Variants in TTN observed in about 807,000 individuals in gnomAD.
TTN encodes connectin.
TTN carries 1,525 observed loss-of-function variants against 3,223.0 expected under a neutral mutation model. The observed-to-expected ratio is 0.47, with a 90% CI of 0.45 to 0.49. TTN has a LOEUF of 0.49. Ranked by LOEUF, TTN falls within the 20% of genes least tolerant of loss-of-function variation. The probability of loss-of-function intolerance (pLI) is 0.00; values close to 1 mark genes in which losing one functional copy is unlikely to be tolerated. For synonymous variants in TTN, 14,094 were observed against 15,161.0 expected (o/e 0.93, Z 5.17); for missense variants, 40,786 against 43,424.0 (o/e 0.94, Z 5.40).
Position 178,774,126 on chromosome 2 carries a change from A to G in TTN, c.7058-16T>C, listed in dbSNP as rs781778472. Reference sequence around the variant, plus strand: ...ATGGGGCGGGCTGTGAAATATGGGGAGAAAAAGAATGTTATGATCATTTTT... The same window carrying G: ...ATGGGGCGGGCTGTGAAATATGGGGGGAAAAAGAATGTTATGATCATTTTT... On this transcript the variant is annotated splice_polypyrimidine_tract_variant and intron_variant, in intron 30 of 362. Transcript: ENST00000589042. 2 of 1,614,110 alleles carry G rather than the reference A, an allele frequency of 1.2e-6. No individual in the cohort carries two copies. The highest frequency in any genetic ancestry group is 4.5e-5 in the East Asian group (2 of 44,868).
Position 178,750,927 on chromosome 2 carries a change from C to A in TTN, c.11311+2197G>T, listed in dbSNP as rs138440219. On this transcript the variant is annotated intron_variant, in intron 47 of 362. Transcript: ENST00000589042. Reference sequence around the variant, plus strand: ...GTATTTTCATTTACTAGAATTTCACCATATAAATGGTCTTTTGGTAGACTT... The same window carrying A: ...GTATTTTCATTTACTAGAATTTCACAATATAAATGGTCTTTTGGTAGACTT... The A allele has an allele frequency of 1.6e-4, 266 of 1,612,866 alleles. No individual in the cohort carries two copies. The East Asian group carries it at 5.3e-3, about 32-fold the overall frequency.
At chr2:178,805,666 T>A (rs1459105423) in intron 1 of TTN, among the ~76,000 whole-genome samples, 1 of 152,172 alleles carries the variant, frequency 6.6e-6, no homozygotes, top group Non-Finnish European at 1.5e-5. Context: ...ACTGCTGAAG[T>A]AAATATTCAG....
Position 178,530,427 on chromosome 2 carries a change from A to G in TTN, c.106188T>C (p.Asp35396=), listed in dbSNP as rs770681247. ...VSKISETKKS[D]QKTTESTVTR... ...TTACTGTTGACTCAGTGGTTTTCTG[A>G]TCTGATTTCTTAGTTTCTGATATTT... The change falls in exon 358 of 363, where the codon GAT becomes GAC. Residue 35396 remains aspartate, a synonymous_variant. Coordinates refer to ENST00000589042, the MANE Select transcript of TTN (RefSeq NM_001267550.2). 1.2e-6 allele frequency: 2 copies of G among 1,613,910 alleles called. No homozygotes were observed. The highest frequency in any genetic ancestry group is 1.7e-5 in the Admixed American group (1 of 60,014).
chr2:178,643,979 G>A (rs1208407913), intron 218 of TTN, among the ~76,000 whole-genome samples: 1 of 151,762 alleles, frequency 6.6e-6, no homozygotes, highest in Non-Finnish European at 1.5e-5. Flanking sequence ...GGAAAATATT[G>A]TTTACAGAAA....
intron 3 of TTN, among the ~76,000 whole-genome samples, chr2:178,800,962 G>T (rs1025605684): frequency 1.3e-5 from 2 of 152,150 alleles, no homozygotes; most frequent in Non-Finnish European, 2.9e-5. Flanking sequence ...AAAAGCTCTA[G>T]ATTTTGTTAT....
In TTN at chr2:178,728,314, C is replaced by G. The variant is rs762156103; in HGVS notation, c.19510G>C (p.Val6504Leu). 6.2e-7 allele frequency: 1 copy of G among 1,613,044 alleles called. No individual in the cohort carries two copies. Among genetic ancestry groups the G allele is most frequent in the East Asian group, 2.2e-5 (1 of 44,782 alleles). ...LGSSIHMECKVSGSLPISAQW... is the reference protein window; with the variant it reads ...LGSSIHMECKLSGSLPISAQW... ...GCACTAATGGGAAGTGAACCAGACACCTTGCACTCCATATGAATAGAAGAG... is the reference window on the plus strand; with the variant it reads ...GCACTAATGGGAAGTGAACCAGACAGCTTGCACTCCATATGAATAGAAGAG... Residue 6504 changes from valine (V) to leucine (L), a missense_variant, in exon 67 of 363, where the codon GTG becomes CTG. Val to Leu is a conservative substitution (Grantham distance 32). Coordinates refer to ENST00000589042, the MANE Select transcript of TTN (RefSeq NM_001267550.2).
In TTN at chr2:178,559,532, T is replaced by C. The variant is rs757623132; in HGVS notation, c.86600A>G (p.Asp28867Gly). The change falls in exon 326 of 363, where the codon GAT (aspartate) becomes GGT (glycine). Residue 28867 changes from aspartate to glycine, a missense_variant. Physicochemically the swap from Asp to Gly is moderately conservative, Grantham distance 94 (BLOSUM62 -1). Coordinates refer to ENST00000589042, the MANE Select transcript of TTN (RefSeq NM_001267550.2). Reference sequence around the variant, plus strand: ...TGCTCCACCATCGTTTTCAGGAACATCCCAGGATAACACTGCAGACTCTTT... The same window carrying C: ...TGCTCCACCATCGTTTTCAGGAACACCCCAGGATAACACTGCAGACTCTTT... Reference protein sequence around the residue: ...VTKESAVLSWDVPENDGGAPV... With the variant: ...VTKESAVLSWGVPENDGGAPV... 1 of 1,613,824 alleles carries C rather than the reference T, an allele frequency of 6.2e-7. No individual in the cohort carries two copies. The highest frequency in any genetic ancestry group is 1.1e-5 in the South Asian group (1 of 91,076).
intron 74 of TTN, 43 bp from the exon 75 acceptor site, chr2:178,723,367 C>T (rs751534698): frequency 4.4e-6 from 7 of 1,602,990 alleles, no homozygotes; most frequent in Non-Finnish European, 6.0e-6. Context: ...AAGAAAAACA[C>T]AAGGATGTCG....
chr2:178,777,108 G>A (rs1214608521), intron 27 of TTN, 41 bp downstream of exon 27: 4 of 1,613,912 alleles, frequency 2.5e-6, no homozygotes, highest in Non-Finnish European at 3.4e-6. Context: ...CTGGTTATTG[G>A]ATTTGTATAA....
At chr2:178,579,439 G>T (rs148740174) in intron 319 of TTN, 46 bp from the exon 320 acceptor site, 5 of 1,559,100 alleles carry the variant, frequency 3.2e-6, no homozygotes. Context: ...AAGGCCAGGC[G>T]ATTAACTTTT....
At position 178,579,279 on chromosome 2, in the gene TTN, C is replaced by T; in HGVS notation, c.67751G>A (p.Trp22584Ter). 1 of 1,613,228 alleles carries T rather than the reference C, an allele frequency of 6.2e-7. No homozygotes were observed. The highest frequency in any genetic ancestry group is 8.5e-7 in the Non-Finnish European group (1 of 1,179,530). The part of the protein sequence containing the change: ...IKGKPAPSVS[W>*]KKGEDPLATD... Reference sequence around the variant, plus strand: ...TGCTAGAGGATCTTCCCCTTTCTTCCAGGAGACTGATGGAGCTGGCTTGCC... The same window carrying T: ...TGCTAGAGGATCTTCCCCTTTCTTCTAGGAGACTGATGGAGCTGGCTTGCC... Residue 22584 changes from tryptophan to a stop codon, truncating the protein, a stop_gained, in exon 320 of 363, where the codon TGG becomes TAG. Transcript: ENST00000589042. LOFTEE classifies it high-confidence loss of function.
At position 178,620,201 on chromosome 2, in the gene TTN, A is replaced by AAT. The variant is rs757684043; in HGVS notation, c.46304+15_46304+16insAT. 6.5e-7 allele frequency: 1 copy of AAT among 1,546,134 alleles called. No homozygotes were observed. On this transcript the variant is annotated intron_variant, in intron 248 of 362. Coordinates refer to ENST00000589042, the MANE Select transcript of TTN (RefSeq NM_001267550.2). ...TATATAGCTACAGAAATAGAGAATAAAAAGATCTTGCTTACTTTTTGCCTT... is the reference window on the plus strand; with the variant it reads ...TATATAGCTACAGAAATAGAGAATAAATAAAGATCTTGCTTACTTTTTGCCTT...
intron 192 of TTN, 51 bp from the exon 193 acceptor site, chr2:178,654,342 G>T: frequency 6.4e-7 from 1 of 1,572,110 alleles, no homozygotes; most frequent in Non-Finnish European, 8.6e-7. Flanking sequence ...GGGGAATATC[G>T]ACTCCACATT....
chr2:178,543,015 G>A, intron 347 of TTN, 54 bp downstream of exon 347: 2 of 1,522,674 alleles, frequency 1.3e-6, no homozygotes, highest in Admixed American at 4.4e-5. Flanking sequence ...TACGAATTCT[G>A]AATGTTTTCA....
rs876658043 is a variant in TTN at position 178,723,051 on chromosome 2, G to A, written c.21956C>T (p.Thr7319Ile). 2.0e-5 allele frequency: 33 copies of A among 1,613,190 alleles called. No individual in the cohort carries two copies. Among genetic ancestry groups the A allele is most frequent in the South Asian group, 6.6e-5 (6 of 91,036 alleles). ...GRDVCGALVSTLEPPYFVTEL... is the reference protein window; with the variant it reads ...GRDVCGALVSILEPPYFVTEL... ...GAGACAATAAGACAACACACCTAATGTAGATACCAGAGCTCCACAAACATC... is the reference window on the plus strand; with the variant it reads ...GAGACAATAAGACAACACACCTAATATAGATACCAGAGCTCCACAAACATC... The change falls in exon 75 of 363, where the codon ACA (threonine) becomes ATA (isoleucine). Residue 7319 changes from threonine to isoleucine, a missense_variant. Transcript: ENST00000589042.
At position 178,778,816 on chromosome 2, in the gene TTN, A is replaced by C. The variant is rs2092494209; in HGVS notation, c.4208+58T>G. ...TCTTACACAATAGCAATTTGCTACT[A>C]TTTGATGTTTTGAAAACAATTTACA... On this transcript the variant is annotated intron_variant, in intron 24 of 362. Transcript: ENST00000589042. 5 of 1,610,706 alleles carry C rather than the reference A, an allele frequency of 3.1e-6. No individual in the cohort carries two copies. In the African/African-American group the frequency reaches 4.0e-5, roughly 13 times the overall value.
intron 313 of TTN, 22 bp from the exon 314 acceptor site, chr2:178,582,614 G>A: frequency 1.3e-6 from 2 of 1,580,478 alleles, no homozygotes; most frequent in East Asian, 2.2e-5. Context: ...AGGAAGAAGA[G>A]TGAATATGTG....
intron 131 of TTN, 105 bp downstream of exon 131, chr2:178,684,561 T>C (rs1239426763): frequency 5.1e-6 from 7 of 1,370,164 alleles, no homozygotes; most frequent in African/African-American, 2.9e-5. Context: ...AAAGACACCA[T>C]TGTCACCCAC....
At position 178,542,440 on chromosome 2, in the gene TTN, T is replaced by C; in HGVS notation, c.97316A>G (p.Gln32439Arg). Residue 32439 changes from glutamine to arginine, a missense_variant, in exon 349 of 363, where the codon CAA becomes CGA. Physicochemically the swap from Gln to Arg is conservative, Grantham distance 43. Transcript: ENST00000589042. ...GAPLSGYVVE[Q>R]RDAHRPGWLP... ...CCATCCTGGACGATGAGCGTCACGT[T>C]GTTCTACCACATAACCACTCAGTGG... 1 of 1,613,726 alleles carries C rather than the reference T, an allele frequency of 6.2e-7. No individual in the cohort carries two copies. Among genetic ancestry groups the C allele is most frequent in the Non-Finnish European group, 8.5e-7 (1 of 1,179,726 alleles).
Sources: gnomAD v4.1 joint callset for allele counts (sites outside exome capture counted in the v4.1 genomes callset) on GRCh38, gnomAD v4.1.1 for gene constraint, MANE v1.5 for transcripts, NCBI Gene and HGNC (gene_info 2026-07-23, HGNC 2026-07-21) for gene names.